Variants in ESRRB observed in about 807,000 individuals in gnomAD.
The protein encoded by ESRRB is steroid hormone receptor ERR2.
In ESRRB, 16 loss-of-function variants were observed where a neutral mutation model predicts 46.0. The ratio of observed to expected loss-of-function variants is 0.35; its 90% CI spans 0.24 to 0.53. The LOEUF is 0.53. Among genes scored for constraint, ESRRB ranks in the 20% least tolerant of loss-of-function variants. The pLI is 0.93. For missense variants in ESRRB, 488 were observed against 607.4 expected (o/e 0.80, Z 2.07); for synonymous variants, 246 against 259.6 (o/e 0.95, Z 0.50).
intron 1 of ESRRB, among the ~76,000 whole-genome samples, chr14:76,359,468 T>C (rs534774729): frequency 6.6e-6 from 1 of 152,340 alleles, no homozygotes; most frequent in African/African-American, 2.4e-5. Context: ...CTGCCTTGTC[T>C]CATTTCATTC....
chr14:76,390,875 AACAGGTGAGGCAGGC>A (rs1280224886), intron 1 of ESRRB, among the ~76,000 whole-genome samples: 2 of 152,136 alleles, frequency 1.3e-5, no homozygotes, highest in Admixed American at 6.5e-5. Flanking sequence ...CACATGGTTG[AACAGGTGAGGCAGGC>A]ACAGGTGAGG....
In ESRRB at chr14:76,376,449, C is replaced by A; in HGVS notation, c.48C>A (p.Asn16Lys). 1 of 1,231,676 alleles carries A rather than the reference C, an allele frequency of 8.1e-7. No individual in the cohort carries two copies. The highest frequency in any genetic ancestry group is 4.1e-5 in the South Asian group (1 of 24,304). The allele number at this position is 1,231,676 out of a possible 1,614,324, so 76.3% of individuals were successfully genotyped here. A position where few individuals can be genotyped will look rare whatever the true frequency, so the allele number is the denominator to read the frequency against. ...TCCCGGACCCCCTCGGCTACCACAACCAGTAGGTGCCCTGCTTCTCGGTCT... is the reference window on the plus strand; with the variant it reads ...TCCCGGACCCCCTCGGCTACCACAAACAGTAGGTGCCCTGCTTCTCGGTCT... Reference protein sequence around the residue: ...LCIPDPLGYHNQLLNRMSSDD... With the variant: ...LCIPDPLGYHKQLLNRMSSDD... The change falls in exon 1 of 7, where the codon AAC becomes AAA. Residue 16 changes from asparagine (N) to lysine (K), a missense_variant and splice_region_variant. By Grantham distance (94) the Asn-to-Lys change is moderately conservative (BLOSUM62 0). Coordinates refer to ENST00000644823, the MANE Select transcript of ESRRB (RefSeq NM_001379180.1). The surrounding 1 kb of genome is among the most constrained non-coding windows in gnomAD (Gnocchi z 4.1).
chr14:76,438,633 C>T (rs1202913691), intron 1 of ESRRB, among the ~76,000 whole-genome samples: 1 of 150,514 alleles, frequency 6.6e-6, no homozygotes, highest in Non-Finnish European at 1.5e-5. Context: ...CATTGCACTC[C>T]AGCCTAGGCG....
At chr14:76,404,771 T>C (rs1018328258) in intron 1 of ESRRB, among the ~76,000 whole-genome samples, 1 of 152,176 alleles carries the variant, frequency 6.6e-6, no homozygotes, top group Non-Finnish European at 1.5e-5. Flanking sequence ...AGATTAGCTG[T>C]TTTTTTGGCC....
At chr14:76,463,452 T>TTGTTTTTTTTTTTTTTTG (rs1202659503) in intron 3 of ESRRB, 2 of 133,726 alleles carry the variant, frequency 1.5e-5, no homozygotes, top group African/African-American at 5.9e-5. Flanking sequence ...TTTGTTTTTT[T>TTGTTTTTTTTTTTTTTTG]TTTTTTTTTT....
At chr14:76,324,925 C>G (rs190227375) in intron 1 of ESRRB, among the ~76,000 whole-genome samples, 1 of 151,860 alleles carries the variant, frequency 6.6e-6, no homozygotes, top group Admixed American at 6.6e-5. Context: ...GCAGGCATCA[C>G]CTGTTACAAA....
chr14:76,489,910 CAAT>C (rs1187878413), intron 5 of ESRRB, among the ~76,000 whole-genome samples: 4 of 152,168 alleles, frequency 2.6e-5, no homozygotes, highest in African/African-American at 7.2e-5. Context: ...ACAACAACAA[CAAT>C]ATTTAGTAAC....
intron 1 of ESRRB, among the ~76,000 whole-genome samples, chr14:76,365,865 T>C (rs554023010): frequency 2.0e-5 from 3 of 152,322 alleles, no homozygotes; most frequent in South Asian, 4.1e-4. Context: ...ACTCTGACTT[T>C]TAGTCGGTGT....
intron 1 of ESRRB, among the ~76,000 whole-genome samples, chr14:76,402,042 T>C (rs749279768): frequency 1.3e-5 from 2 of 152,222 alleles, no homozygotes; most frequent in Non-Finnish European, 2.9e-5. Context: ...AGAAGGCTGA[T>C]GTCCCAATTT....
upstream of ESRRB, among the ~76,000 whole-genome samples, chr14:76,372,422 C>A (rs1317665318): frequency 6.6e-6 from 1 of 152,188 alleles, no homozygotes; most frequent in African/African-American, 2.4e-5. Flanking sequence ...GACACAGAAG[C>A]CTGTGTCCCC....
Position 76,491,680 on chromosome 14 carries a change from T to A in ESRRB, c.1084T>A (p.Phe362Ile). The A allele has an allele frequency of 6.3e-7, 1 of 1,585,778 alleles. No homozygotes were observed. ...YKKLKVEKEE[F>I]VTLKALALAN... ...GAAGCTCAAGGTGGAGAAGGAGGAG[T>A]TTGTGACGCTCAAGGCCCTGGCCCT... Residue 362 changes from phenylalanine to isoleucine, a missense_variant, in exon 6 of 7, where the codon TTT (phenylalanine) becomes ATT (isoleucine). Physicochemically the swap from Phe to Ile is conservative, Grantham distance 21. Coordinates refer to ENST00000644823, the MANE Select transcript of ESRRB (RefSeq NM_001379180.1).
intron 5 of ESRRB, among the ~76,000 whole-genome samples, chr14:76,490,998 T>C (rs7149569): frequency 0.34 from 51,534 of 151,908 alleles, 8,925 homozygotes; most frequent in Middle Eastern, 0.51. Context: ...AGGTGTCATT[T>C]TCAAATACCA....
intron 1 of ESRRB, among the ~76,000 whole-genome samples, chr14:76,437,523 G>A (rs1887725574): frequency 6.6e-6 from 1 of 152,178 alleles, no homozygotes; most frequent in African/African-American, 2.4e-5. Flanking sequence ...TCTTTCCATT[G>A]GCAGGCTGTC....
intron 1 of ESRRB, among the ~76,000 whole-genome samples, chr14:76,313,412 T>G (rs1274856442): frequency 6.6e-6 from 1 of 152,184 alleles, no homozygotes; most frequent in East Asian, 1.9e-4. Context: ...CTTGTCATTG[T>G]TTATTTCTCT....
chr14:76,435,649 G>T (rs572743101), intron 1 of ESRRB, among the ~76,000 whole-genome samples: 2 of 152,214 alleles, frequency 1.3e-5, no homozygotes, highest in East Asian at 3.8e-4. Context: ...GGCCAACAGG[G>T]TGAAACCCCC....
chr14:76,350,255 C>T (rs1193128912), intron 1 of ESRRB, among the ~76,000 whole-genome samples: 1 of 152,228 alleles, frequency 6.6e-6, no homozygotes, highest in Non-Finnish European at 1.5e-5. Flanking sequence ...CATGTCCGCC[C>T]TCAAGCCAGC....
chr14:76,351,903 G>C (rs1459921983), intron 1 of ESRRB, among the ~76,000 whole-genome samples: 1 of 150,858 alleles, frequency 6.6e-6, no homozygotes, highest in African/African-American at 2.5e-5. Context: ...GAGGATCACT[G>C]GGGCCCAGGA....
At chr14:76,446,368 C>T (rs1386376059) in intron 2 of ESRRB, among the ~76,000 whole-genome samples, 1 of 127,630 alleles carries the variant, frequency 7.8e-6, no homozygotes, top group Non-Finnish European at 1.6e-5. Context: ...TTCTGTTGTT[C>T]GTTTTTTTTT....
At chr14:76,359,209 C>A (rs1215936991) in intron 1 of ESRRB, among the ~76,000 whole-genome samples, 1 of 152,154 alleles carries the variant, frequency 6.6e-6, no homozygotes. Context: ...ATGATCTGTG[C>A]AGAATGAATT....
Sources: allele counts gnomAD v4.1 joint callset (sites outside exome capture counted in the v4.1 genomes callset), GRCh38; gene constraint gnomAD v4.1.1; non-coding constraint Gnocchi (gnomAD v3.1); transcripts MANE v1.5; gene names NCBI Gene and HGNC (gene_info 2026-07-23, HGNC 2026-07-21).